The following CPHXL2 variants were observed in gnomAD, a reference collection of about 807,000 sequenced individuals.
CPHXL2 encodes the protein cytoplasmic polyadenylated homeobox-like protein 2.
At chr16:75,660,518 A>T in the CPHXL2 span, 1 of 398,554 alleles carries the variant, frequency 2.5e-6, no homozygotes. Flanking sequence ...GATCCCAAGG[A>T]CCCGAGTCCA....
At chr16:75,668,758 A>AT in the CPHXL2 span, among the ~76,000 whole-genome samples, 12 of 151,386 alleles carry the variant, frequency 7.9e-5, no homozygotes, top group Admixed American at 5.3e-4. Context: ...TAAAATTTGT[A>AT]TTTTTTTTTA....
the CPHXL2 span, among the ~76,000 whole-genome samples, chr16:75,671,557 G>A: frequency 6.6e-6 from 1 of 152,052 alleles, no homozygotes; most frequent in Non-Finnish European, 1.5e-5. Flanking sequence ...AGAGAGCATG[G>A]CTTTTAGTCT....
the CPHXL2 span, chr16:75,669,452 T>G: frequency 5.0e-6 from 2 of 400,708 alleles, no homozygotes; most frequent in East Asian, 7.1e-5. Context: ...AATATTTCCT[T>G]AAGTTCCTGC....
chr16:75,668,311 C>T, the CPHXL2 span, among the ~76,000 whole-genome samples: 1 of 151,300 alleles, frequency 6.6e-6, no homozygotes, highest in Non-Finnish European at 1.5e-5. Context: ...TCGCTGCAGC[C>T]TCTGCCTCCT....
At chr16:75,668,012 A>G in the CPHXL2 span, among the ~76,000 whole-genome samples, 6 of 152,116 alleles carry the variant, frequency 3.9e-5, no homozygotes, top group East Asian at 1.2e-3. Flanking sequence ...ATCCACCTGC[A>G]CAGCTAGCAA....
chr16:75,663,435 C>G, the CPHXL2 span, among the ~76,000 whole-genome samples: 1 of 152,162 alleles, frequency 6.6e-6, no homozygotes, highest in Admixed American at 6.5e-5. Flanking sequence ...GGCCCCCTAA[C>G]CATCTTAACG....
the CPHXL2 span, among the ~76,000 whole-genome samples, chr16:75,676,439 C>T: frequency 2.0e-5 from 3 of 152,150 alleles, no homozygotes; most frequent in African/African-American, 7.2e-5. Context: ...TCCCTCCTGC[C>T]TCAGGCTCCC....
the CPHXL2 span, among the ~76,000 whole-genome samples, chr16:75,663,431 C>CT: frequency 8.5e-5 from 13 of 152,258 alleles, no homozygotes; most frequent in Middle Eastern, 3.4e-3. Flanking sequence ...CTAAGGCCCC[C>CT]TAACCATCTT....
the CPHXL2 span, chr16:75,669,277 T>G: frequency 1.0e-5 from 4 of 396,622 alleles, no homozygotes; most frequent in Middle Eastern, 6.4e-4. Context: ...GATCGCTCCA[T>G]TGCACTCCAG....
the CPHXL2 span, among the ~76,000 whole-genome samples, chr16:75,671,838 G>C: frequency 6.6e-6 from 1 of 152,206 alleles, no homozygotes; most frequent in East Asian, 1.9e-4. Flanking sequence ...GAAAAAGAGA[G>C]AGGAGGCAAG....
the CPHXL2 span, among the ~76,000 whole-genome samples, chr16:75,666,245 T>C: frequency 6.6e-6 from 1 of 152,120 alleles, no homozygotes; most frequent in Non-Finnish European, 1.5e-5. Flanking sequence ...ATCCTAAATA[T>C]ATATGCACCT....
the CPHXL2 span, among the ~76,000 whole-genome samples, chr16:75,672,447 C>T: frequency 3.9e-5 from 6 of 152,062 alleles, 1 homozygote; most frequent in South Asian, 6.2e-4. Flanking sequence ...TTGTGTATGC[C>T]GGGTGGAGTG....
At chr16:75,673,571 T>G in the CPHXL2 span, among the ~76,000 whole-genome samples, 1 of 152,164 alleles carries the variant, frequency 6.6e-6, no homozygotes, top group African/African-American at 2.4e-5. Flanking sequence ...ACCCCCTTAG[T>G]AACCAGCACA....
At chr16:75,671,683 T>A in the CPHXL2 span, among the ~76,000 whole-genome samples, 1 of 152,204 alleles carries the variant, frequency 6.6e-6, no homozygotes, top group Admixed American at 6.5e-5. Context: ...CAATAAATAT[T>A]TTTTAAATGG....
the CPHXL2 span, among the ~76,000 whole-genome samples, chr16:75,668,809 T>C: frequency 6.6e-6 from 1 of 152,180 alleles, no homozygotes; most frequent in African/African-American, 2.4e-5. Context: ...TACAGGTGTG[T>C]GCCACTGGGC....
the CPHXL2 span, among the ~76,000 whole-genome samples, chr16:75,664,947 CTAACTA>C: frequency 1.3e-5 from 2 of 152,180 alleles, no homozygotes; most frequent in Non-Finnish European, 2.9e-5. Flanking sequence ...CTCAGCCTCC[CTAACTA>C]TAAGAAATAA....
chr16:75,664,560 G>T, the CPHXL2 span, among the ~76,000 whole-genome samples: 1 of 149,304 alleles, frequency 6.7e-6, no homozygotes, highest in Non-Finnish European at 1.5e-5. Context: ...GGGAGGCAGA[G>T]GTTGCAGTGA....
At chr16:75,662,543 A>C in the CPHXL2 span, among the ~76,000 whole-genome samples, 1 of 151,912 alleles carries the variant, frequency 6.6e-6, no homozygotes, top group African/African-American at 2.4e-5. Context: ...TCAACTCATT[A>C]GTGTAGAAAA....
chr16:75,673,075 C>CAAAAAAAAAAAAAAAAAAAAAAA, the CPHXL2 span, among the ~76,000 whole-genome samples: 1 of 73,180 alleles, frequency 1.4e-5, no homozygotes, highest in Non-Finnish European at 2.5e-5. Context: ...GACCTTGTCT[C>CAAAAAAAAAAAAAAAAAAAAAAA]AAAAAAAAAA....
Sources: allele counts gnomAD v4.1 joint callset (sites outside exome capture counted in the v4.1 genomes callset), GRCh38; gene constraint gnomAD v4.1.1; transcripts MANE v1.5; gene names NCBI Gene and HGNC (gene_info 2026-07-23, HGNC 2026-07-21).